The following GTF2B variants were observed in gnomAD, a reference collection of about 807,000 sequenced individuals.
The protein encoded by GTF2B is transcription initiation factor IIB.
Under a neutral mutation model 34.6 loss-of-function variants are expected in GTF2B, and 20 were observed. The ratio of observed to expected loss-of-function variants is 0.58; its 90% CI spans 0.41 to 0.84. The LOEUF (loss-of-function observed/expected upper bound fraction) is 0.84. GTF2B is among the 40% of genes least tolerant of loss of function. The pLI, the probability that GTF2B is intolerant of heterozygous loss-of-function variation, is 0.00. For synonymous variants in GTF2B, 142 were observed against 132.4 expected (o/e 1.07, Z -0.50); for missense variants, 237 against 393.3 (o/e 0.60, Z 3.36).
intron 2 of GTF2B, among the ~76,000 whole-genome samples, chr1:88,880,095 A>C (rs1260407176): frequency 2.0e-5 from 3 of 152,128 alleles, no homozygotes; most frequent in African/African-American, 7.2e-5. Flanking sequence ...AAAGAAAAGA[A>C]AAATGGGACT....
chr1:88,863,305 C>T (rs939571942), intron 3 of GTF2B, among the ~76,000 whole-genome samples: 2 of 152,064 alleles, frequency 1.3e-5, no homozygotes, highest in African/African-American at 4.8e-5. Flanking sequence ...ACACTAACCT[C>T]CCATTTATCT....
At chr1:88,891,405 G>A in intron 1 of GTF2B, 78 bp downstream of exon 1, 6 of 1,142,740 alleles carry the variant, frequency 5.3e-6, no homozygotes, top group African/African-American at 1.5e-5. Context: ...GCCCTACGAG[G>A]CTGCCCGGAG....
chr1:88,867,470 T>C (rs1262199371), intron 2 of GTF2B, among the ~76,000 whole-genome samples: 1 of 152,110 alleles, frequency 6.6e-6, no homozygotes, highest in Non-Finnish European at 1.5e-5. Flanking sequence ...ACTTTCCTAT[T>C]TGGCAAAATA....
intron 2 of GTF2B, among the ~76,000 whole-genome samples, chr1:88,885,459 A>C (rs1333309409): frequency 6.8e-6 from 1 of 146,606 alleles, no homozygotes; most frequent in Admixed American, 6.8e-5. Flanking sequence ...ATCAAAAAAA[A>C]AACTTTGGCC....
intron 2 of GTF2B, among the ~76,000 whole-genome samples, chr1:88,865,626 C>T (rs561549655): frequency 5.3e-5 from 8 of 152,202 alleles, no homozygotes; most frequent in Non-Finnish European, 7.3e-5. Context: ...GAGGTCCAGG[C>T]GGGCTGTCAC....
intron 3 of GTF2B, among the ~76,000 whole-genome samples, chr1:88,861,150 T>C (rs946288607): frequency 2.6e-5 from 4 of 152,042 alleles, no homozygotes; most frequent in African/African-American, 9.7e-5. Flanking sequence ...GAAAGCAAAT[T>C]TTTCAATTAA....
At chr1:88,863,563 G>T (rs1375281680) in intron 3 of GTF2B, among the ~76,000 whole-genome samples, 2 of 151,686 alleles carry the variant, frequency 1.3e-5, no homozygotes, top group African/African-American at 4.8e-5. Context: ...CACCATATTT[G>T]CCAGGCTGGT....
At position 88,860,854 on chromosome 1, in the gene GTF2B, T is replaced by C. The variant is rs548375955; in HGVS notation, c.259-568A>G. Among the ~76,000 whole-genome samples the C allele has an allele frequency of 2.0e-5, 3 of 152,318 alleles. No individual in the cohort carries two copies. The East Asian group carries it at 5.8e-4, about 29-fold the overall frequency. On this transcript the variant is annotated intron_variant, in intron 3 of 6. Transcript: ENST00000370500. ...AGTACTATGATTAATGGAGAAACAT[T>C]ACCAGCATTATCACCAAAATCACAA...
At chr1:88,870,313 A>G (rs2100971071) in intron 2 of GTF2B, among the ~76,000 whole-genome samples, 1 of 152,334 alleles carries the variant, frequency 6.6e-6, no homozygotes, top group South Asian at 2.1e-4. Flanking sequence ...TCAAAATTCA[A>G]ACTATGTTTT....
intron 1 of GTF2B, among the ~76,000 whole-genome samples, chr1:88,891,131 GC>G (rs1557664186): frequency 6.4e-5 from 8 of 124,104 alleles, no homozygotes; most frequent in Non-Finnish European, 8.7e-5. Flanking sequence ...GGGGGGGGGG[GC>G]GCGGGGGAGG....
chr1:88,876,360 T>C (rs1352692570), intron 2 of GTF2B, among the ~76,000 whole-genome samples: 1 of 151,998 alleles, frequency 6.6e-6, no homozygotes, highest in Non-Finnish European at 1.5e-5. Flanking sequence ...AGAATCACCC[T>C]CTTTTTCTAC....
At chr1:88,864,266 C>T in intron 2 of GTF2B, 152 bp from the exon 3 acceptor site, 1 of 644,746 alleles carries the variant, frequency 1.6e-6, no homozygotes, top group African/African-American at 1.8e-5. Context: ...GACATTTGTC[C>T]TAAAGCATTC....
intron 1 of GTF2B, among the ~76,000 whole-genome samples, chr1:88,889,463 C>T (rs776327570): frequency 3.9e-5 from 6 of 152,200 alleles, no homozygotes; most frequent in African/African-American, 7.2e-5. Flanking sequence ...CATTTTATAG[C>T]TATCATTTAT....
intron 2 of GTF2B, among the ~76,000 whole-genome samples, 155 bp from the exon 3 acceptor site, chr1:88,864,269 A>C (rs1295990086): frequency 6.6e-6 from 1 of 152,250 alleles, no homozygotes; most frequent in Non-Finnish European, 1.5e-5. Flanking sequence ...ATTTGTCCTA[A>C]AGCATTCCTT....
At chr1:88,884,467 C>T (rs1349979927) in intron 2 of GTF2B, among the ~76,000 whole-genome samples, 3 of 152,202 alleles carry the variant, frequency 2.0e-5, no homozygotes, top group African/African-American at 7.2e-5. Flanking sequence ...CTCAACTCTT[C>T]AAGCAACTGT....
chr1:88,860,411 G>A, intron 3 of GTF2B, 125 bp from the exon 4 acceptor site: 1 of 658,650 alleles, frequency 1.5e-6, no homozygotes, highest in Non-Finnish European at 2.6e-6. Flanking sequence ...TGTGCATCCT[G>A]CTCATCTATA....
intron 2 of GTF2B, among the ~76,000 whole-genome samples, chr1:88,879,198 T>TTA (rs1243420815): frequency 1.3e-5 from 2 of 152,210 alleles, no homozygotes; most frequent in African/African-American, 4.8e-5. Flanking sequence ...AGATAAATGT[T>TTA]ATTAGAGGCA....
At position 88,856,272 on chromosome 1, in the gene GTF2B, C is replaced by CAAAAAAAAAAA. The variant is rs377030804; in HGVS notation, c.817+923_817+933dup. On this transcript the variant is annotated intron_variant, in intron 6 of 6. Coordinates refer to ENST00000370500, the MANE Select transcript of GTF2B (RefSeq NM_001514.6). ...CAACAGAGGGAGACTGTTTCAAAAA[C>CAAAAAAAAAAA]AAAAAAAAAAAAAAAAAACAAAAAA... Among the ~76,000 whole-genome samples, 14 of 50,026 alleles carry CAAAAAAAAAAA rather than the reference C, an allele frequency of 2.8e-4. 1 individual carries two copies. Among genetic ancestry groups the CAAAAAAAAAAA allele is most frequent in the Admixed American group, 3.5e-4 (1 of 2,884 alleles). The allele number at this position is 50,026 out of a possible 152,430, so 32.8% of individuals were successfully genotyped here.
intron 3 of GTF2B, among the ~76,000 whole-genome samples, chr1:88,862,660 C>T (rs1037869485): frequency 6.6e-6 from 1 of 152,044 alleles, no homozygotes; most frequent in African/African-American, 2.4e-5. Context: ...CCTGCCTGGA[C>T]AAGAGTGTCA....
Sources: gnomAD v4.1 joint callset for allele counts (sites outside exome capture counted in the v4.1 genomes callset) on GRCh38, gnomAD v4.1.1 for gene constraint, MANE v1.5 for transcripts, NCBI Gene and HGNC (gene_info 2026-07-23, HGNC 2026-07-21) for gene names.